Variants in METTL21C observed in about 807,000 individuals in gnomAD.
METTL21C encodes the protein methyltransferase 21C, AARS1 lysine.
METTL21C carries 21 observed loss-of-function variants against 25.9 expected under a neutral mutation model. That is an observed-to-expected ratio of 0.81 (90% CI 0.58 to 1.17). The LOEUF is 1.17. Ranked by LOEUF, METTL21C falls within the 50% of genes most tolerant of loss-of-function variation. METTL21C has a pLI of 0.00. For missense variants in METTL21C, 312 were observed against 315.1 expected, an observed-to-expected ratio of 0.99 and a Z score of 0.07; for synonymous variants, 125 against 124.7, an observed-to-expected ratio of 1.00 and a Z score of -0.01.
At chr13:102,699,650 G>A (rs1476665412), upstream of METTL21C, among the ~76,000 whole-genome samples, 1 of 152,150 alleles carries the variant, frequency 6.6e-6, no homozygotes, top group African/African-American at 2.4e-5. Context: ...TGGAACCACC[G>A]ACATTCAATG....
At chr13:102,702,753 G>A in the METTL21C span, among the ~76,000 whole-genome samples, 1 of 151,982 alleles carries the variant, frequency 6.6e-6, no homozygotes, top group Admixed American at 6.5e-5. Context: ...AACATGCCAG[G>A]CTAATTTTTG....
At chr13:102,692,292 G>T (rs894748695) in intron 1 of METTL21C, among the ~76,000 whole-genome samples, 1 of 82,282 alleles carries the variant, frequency 1.2e-5, no homozygotes, top group Non-Finnish European at 2.6e-5. Context: ...CCCTCAGGTC[G>T]GGGGCAGGGC....
At chr13:102,701,814 A>T in the METTL21C span, among the ~76,000 whole-genome samples, 172 of 152,308 alleles carry the variant, frequency 1.1e-3, no homozygotes, top group Non-Finnish European at 2.2e-3. Context: ...TGAAAGATAT[A>T]TAAAAAAGTT....
chr13:102,687,870 T>A (rs1287925721), intron 2 of METTL21C, among the ~76,000 whole-genome samples: 2 of 152,224 alleles, frequency 1.3e-5, no homozygotes, highest in African/African-American at 4.8e-5. Flanking sequence ...TTATTCGTTC[T>A]CTTCTCCCTC....
intron 3 of METTL21C, among the ~76,000 whole-genome samples, chr13:102,686,650 G>T (rs1245309668): frequency 6.6e-6 from 1 of 152,158 alleles, no homozygotes; most frequent in Non-Finnish European, 1.5e-5. Context: ...CCTGATGTCA[G>T]TAGCTCCCCC....
chr13:102,693,101 G>T (rs750337172), intron 1 of METTL21C, among the ~76,000 whole-genome samples: 5 of 152,128 alleles, frequency 3.3e-5, no homozygotes, highest in Non-Finnish European at 7.4e-5. Flanking sequence ...GCATGACTTC[G>T]CTGGGGAAAG....
Position 102,691,094 on chromosome 13 carries a change from A to G in METTL21C, c.131-130T>C, listed in dbSNP as rs1000972632. ...ATAAAGAGAAGGGATGATGCTATCAAGGAGAACGGCTGCAAATTGGCACAA... is the reference window on the plus strand; with the variant it reads ...ATAAAGAGAAGGGATGATGCTATCAGGGAGAACGGCTGCAAATTGGCACAA... On this transcript the variant is annotated intron_variant, in intron 1 of 3. Coordinates refer to ENST00000267273, the MANE Select transcript of METTL21C (RefSeq NM_001010977.3). 5 of 1,040,918 alleles carry G rather than the reference A, an allele frequency of 4.8e-6. No homozygotes were observed. In the Admixed American group the frequency reaches 1.2e-4, roughly 25 times the overall value. 64.5% of individuals were successfully genotyped at this position (1,040,918 alleles called of 1,614,324 possible).
intron 1 of METTL21C, among the ~76,000 whole-genome samples, chr13:102,691,442 C>T (rs372499285): frequency 1.2e-4 from 18 of 152,172 alleles, no homozygotes; most frequent in South Asian, 2.1e-4. Context: ...CTCTGCTTCC[C>T]GGGTTCAAGT....
In METTL21C at chr13:102,685,961, T is replaced by C; in HGVS notation, c.*70A>G. 1 of 1,478,026 alleles carries C rather than the reference T, an allele frequency of 6.8e-7. No individual in the cohort carries two copies. Among genetic ancestry groups the C allele is most frequent in the Non-Finnish European group, 9.1e-7 (1 of 1,101,674 alleles). 91.6% of individuals were successfully genotyped at this position (1,478,026 alleles called of 1,614,324 possible). A position where few individuals can be genotyped will look rare whatever the true frequency, so the allele number is the denominator to read the frequency against. ...CCTTCTCAATCCTGTGAAAGAAGTC[T>C]ATTACCAAAGCAATTTCTAACACAT... On this transcript the variant is annotated 3_prime_UTR_variant, in exon 4 of 4. Transcript: ENST00000267273.
intron 2 of METTL21C, among the ~76,000 whole-genome samples, chr13:102,688,310 C>T (rs567065602): frequency 5.9e-5 from 9 of 152,308 alleles, no homozygotes; most frequent in South Asian, 2.1e-4. Context: ...TGAACTGCCA[C>T]GGGCAAAGAT....
upstream of METTL21C, among the ~76,000 whole-genome samples, chr13:102,695,592 G>A (rs1266101225): frequency 2.6e-5 from 4 of 152,076 alleles, no homozygotes; most frequent in Non-Finnish European, 4.4e-5. Flanking sequence ...ACCCACCCTC[G>A]GTACTCGTTT....
intron 1 of METTL21C, among the ~76,000 whole-genome samples, chr13:102,693,590 C>T (rs1885879863): frequency 6.6e-6 from 1 of 152,180 alleles, no homozygotes; most frequent in South Asian, 2.1e-4. Context: ...AAATATTAAG[C>T]TTGACAGCTG....
At chr13:102,703,375 C>T in the METTL21C span, among the ~76,000 whole-genome samples, 1 of 152,214 alleles carries the variant, frequency 6.6e-6, no homozygotes, top group Admixed American at 6.5e-5. Flanking sequence ...GGTGCTGCCA[C>T]AGTTAATTCA....
chr13:102,693,763 G>C (rs1309702828), intron 1 of METTL21C, among the ~76,000 whole-genome samples: 2 of 152,208 alleles, frequency 1.3e-5, no homozygotes, highest in African/African-American at 4.8e-5. Context: ...CAGATTTTCA[G>C]ATAAGGTAGA....
At chr13:102,703,803 A>G in the METTL21C span, among the ~76,000 whole-genome samples, 547 of 152,374 alleles carry the variant, frequency 3.6e-3, 6 homozygotes, top group African/African-American at 0.012. Context: ...GACATAACCC[A>G]GGCAACTGAA....
chr13:102,687,132 A>T, intron 2 of METTL21C, 75 bp from the exon 3 acceptor site: 1 of 1,044,456 alleles, frequency 9.6e-7, no homozygotes, highest in South Asian at 1.3e-5. Context: ...TGGCACCCAA[A>T]TTTAAATACT....
intron 1 of METTL21C, 83 bp downstream of exon 1, chr13:102,694,286 C>G: frequency 1.4e-6 from 2 of 1,467,888 alleles, no homozygotes; most frequent in Non-Finnish European, 1.9e-6. Flanking sequence ...AATGGAAATT[C>G]TTGTCACTGA....
chr13:102,695,743 A>G (rs184474915), upstream of METTL21C, among the ~76,000 whole-genome samples: 1 of 152,250 alleles, frequency 6.6e-6, no homozygotes, highest in East Asian at 1.9e-4. Context: ...TTCCAGCTCT[A>G]TCGTTCTAAT....
chr13:102,688,158 C>G (rs756598351), intron 2 of METTL21C, among the ~76,000 whole-genome samples: 1 of 152,158 alleles, frequency 6.6e-6, no homozygotes, highest in Non-Finnish European at 1.5e-5. Context: ...TTCCTCTGGA[C>G]TCTACTTTCT....
Sources: allele counts gnomAD v4.1 joint callset (sites outside exome capture counted in the v4.1 genomes callset), GRCh38; gene constraint gnomAD v4.1.1; transcripts MANE v1.5; gene names NCBI Gene and HGNC (gene_info 2026-07-23, HGNC 2026-07-21).